MAPKAP1: variants seen among roughly 807,000 people sequenced by gnomAD.
The protein encoded by MAPKAP1 is MAPK associated protein 1.
In MAPKAP1, 20 loss-of-function variants were observed where a neutral mutation model predicts 65.7. The observed-to-expected ratio is 0.30, with a 90% CI of 0.21 to 0.44. MAPKAP1 has a LOEUF of 0.44. Ranked by LOEUF, MAPKAP1 falls within the 20% of genes least tolerant of loss-of-function variation. The pLI, the probability that MAPKAP1 is intolerant of heterozygous loss-of-function variation, is 1.00. For synonymous variants in MAPKAP1, 222 were observed against 244.3 expected, an observed-to-expected ratio of 0.91 and a Z score of 0.85; for missense variants, 423 against 648.0, an observed-to-expected ratio of 0.65 and a Z score of 3.77.
At chr9:125,441,336 G>A (rs916144661) in intron 11 of MAPKAP1, among the ~76,000 whole-genome samples, 3 of 152,094 alleles carry the variant, frequency 2.0e-5, no homozygotes, top group Non-Finnish European at 2.9e-5. Context: ...GGAGCTTCTC[G>A]GGCCAGGTTC....
chr9:125,617,950 T>C (rs1425803495), intron 4 of MAPKAP1, among the ~76,000 whole-genome samples: 1 of 152,206 alleles, frequency 6.6e-6, no homozygotes, highest in Admixed American at 6.5e-5. Context: ...AAATCTTCTA[T>C]GTCTACTCAG....
chr9:125,642,322 T>C (rs761873390), intron 4 of MAPKAP1, among the ~76,000 whole-genome samples: 2 of 152,136 alleles, frequency 1.3e-5, no homozygotes, highest in Non-Finnish European at 1.5e-5. Flanking sequence ...TATGTGAATA[T>C]AATTATTTTC....
intron 5 of MAPKAP1, among the ~76,000 whole-genome samples, chr9:125,578,828 C>A (rs542796275): frequency 2.6e-5 from 4 of 152,190 alleles, no homozygotes; most frequent in African/African-American, 9.6e-5. Context: ...ACCAAATAGT[C>A]AAAAACCCTA....
At chr9:125,627,028 C>A (rs1249299841) in intron 4 of MAPKAP1, among the ~76,000 whole-genome samples, 2 of 152,128 alleles carry the variant, frequency 1.3e-5, no homozygotes, top group Admixed American at 6.5e-5. Flanking sequence ...TTTCACCACA[C>A]AGCTAGTAAG....
chr9:125,625,002 G>A (rs1204665366), intron 4 of MAPKAP1, among the ~76,000 whole-genome samples: 4 of 77,012 alleles, frequency 5.2e-5, no homozygotes, highest in Non-Finnish European at 8.0e-5. Context: ...GATTAAGGGC[G>A]GTGCAAGATG....
intron 4 of MAPKAP1, among the ~76,000 whole-genome samples, chr9:125,638,485 A>G (rs1833487642): frequency 6.6e-6 from 1 of 152,238 alleles, no homozygotes; most frequent in Non-Finnish European, 1.5e-5. Context: ...TTCTTTGAAA[A>G]TAATCCCCTG....
intron 10 of MAPKAP1, among the ~76,000 whole-genome samples, chr9:125,457,854 A>G (rs1337710197): frequency 5.9e-5 from 9 of 152,242 alleles, no homozygotes. Flanking sequence ...CACTGCAGGC[A>G]TGCATAGTTT....
intron 4 of MAPKAP1, among the ~76,000 whole-genome samples, chr9:125,643,742 G>GT (rs1564598395): frequency 6.6e-6 from 1 of 152,026 alleles, no homozygotes; most frequent in South Asian, 2.1e-4. Context: ...TTTTAGATGT[G>GT]TTTTTTCCAA....
Position 125,458,105 on chromosome 9 carries a change from T to A in MAPKAP1, c.1345+9867A>T, listed in dbSNP as rs192233214. On this transcript the variant is annotated intron_variant, in intron 10 of 11. Transcript: ENST00000265960. Reference sequence around the variant, plus strand: ...TCAGGGATCACAGTCCTGAACTGCATATTTTCTAATGTCCAAAAGTGGTTT... The same window carrying A: ...TCAGGGATCACAGTCCTGAACTGCAAATTTTCTAATGTCCAAAAGTGGTTT... 1.6e-3 allele frequency among the ~76,000 whole-genome samples: 250 copies of A among 152,348 alleles called. 1 individual carries two copies. Among genetic ancestry groups the A allele is most frequent in the African/African-American group, 5.8e-3 (243 of 41,576 alleles).
intron 4 of MAPKAP1, among the ~76,000 whole-genome samples, chr9:125,640,675 A>G (rs1833552202): frequency 1.3e-5 from 2 of 152,194 alleles, no homozygotes; most frequent in African/African-American, 4.8e-5. Context: ...CTTTTTACTG[A>G]CTAGTTAATT....
intron 9 of MAPKAP1, among the ~76,000 whole-genome samples, chr9:125,468,771 G>A (rs1853781621): frequency 6.6e-6 from 1 of 152,184 alleles, no homozygotes; most frequent in African/African-American, 2.4e-5. Flanking sequence ...CCCTGCTGAG[G>A]GCGAGACTCG....
intron 4 of MAPKAP1, among the ~76,000 whole-genome samples, chr9:125,618,841 T>C (rs1454186909): frequency 1.3e-5 from 2 of 152,204 alleles, no homozygotes; most frequent in Non-Finnish European, 2.9e-5. Flanking sequence ...CTTATGAAAA[T>C]TTGTCTTAGG....
chr9:125,571,941 ATTTACAGCT>A (rs1831246934), intron 5 of MAPKAP1, among the ~76,000 whole-genome samples: 1 of 152,196 alleles, frequency 6.6e-6, no homozygotes, highest in Admixed American at 6.5e-5. Context: ...CATTTGAGCT[ATTTACAGCT>A]TTTACCAATT....
chr9:125,704,004 C>T (rs1216192329), intron 1 of MAPKAP1, among the ~76,000 whole-genome samples: 1 of 152,136 alleles, frequency 6.6e-6, no homozygotes, highest in Non-Finnish European at 1.5e-5. Context: ...TTTAAAGTAA[C>T]AGATAAGGCT....
chr9:125,469,985 C>T (rs1853839274), intron 9 of MAPKAP1, among the ~76,000 whole-genome samples: 1 of 151,962 alleles, frequency 6.6e-6, no homozygotes, highest in Middle Eastern at 3.2e-3. Context: ...TTATAAAAGT[C>T]AAAATGAGCC....
chr9:125,444,389 C>A (rs560038291), intron 11 of MAPKAP1, 112 bp downstream of exon 11: 2 of 817,646 alleles, frequency 2.4e-6, no homozygotes, highest in Non-Finnish European at 3.9e-6. Context: ...AAACTGGGCC[C>A]GGGAACCTTC....
At chr9:125,621,448 T>C (rs1222177757) in intron 4 of MAPKAP1, among the ~76,000 whole-genome samples, 5 of 152,210 alleles carry the variant, frequency 3.3e-5, no homozygotes, top group Non-Finnish European at 7.3e-5. Context: ...TCCATATCTG[T>C]AAACCAGCAA....
chr9:125,465,430 C>T (rs1265441196), intron 10 of MAPKAP1, among the ~76,000 whole-genome samples: 1 of 152,186 alleles, frequency 6.6e-6, no homozygotes, highest in Non-Finnish European at 1.5e-5. Flanking sequence ...AGACGCCCCA[C>T]AGATTAATTC....
chr9:125,576,808 C>T (rs547064820), intron 5 of MAPKAP1, among the ~76,000 whole-genome samples: 4 of 152,184 alleles, frequency 2.6e-5, no homozygotes, highest in Middle Eastern at 3.2e-3. Context: ...GACGGAGTCT[C>T]GTTCACTCAG....
Sources: allele counts gnomAD v4.1 joint callset (sites outside exome capture counted in the v4.1 genomes callset), GRCh38; gene constraint gnomAD v4.1.1; transcripts MANE v1.5; gene names NCBI Gene and HGNC (gene_info 2026-07-23, HGNC 2026-07-21).